Variants in OR51M1 observed in about 807,000 individuals in gnomAD.
The protein encoded by OR51M1 is olfactory receptor family 51 subfamily M member 1.
For missense variants in OR51M1, 509 were observed against 404.4 expected, an observed-to-expected ratio of 1.26 and a Z score of -2.22; for synonymous variants, 199 against 155.1, an observed-to-expected ratio of 1.28 and a Z score of -2.10.
chr11:5,389,386 C>G lies in OR51M1; in HGVS notation c.-13C>G, dbSNP rs376509486. ...CAGAAATATCCATTTATTTTCAGCT[C>G]AATCCCCGAGGAATGTCAGTCCAAT... On this transcript the variant is annotated splice_region_variant and 5_prime_UTR_variant, in exon 3 of 3. Coordinates refer to ENST00000642046, the MANE Select transcript of OR51M1 (RefSeq NM_001004756.3). 156 of 1,607,288 alleles carry G rather than the reference C, an allele frequency of 9.7e-5. No homozygotes were observed. The highest frequency in any genetic ancestry group is 1.3e-4 in the Non-Finnish European group (155 of 1,175,438).
chr11:5,387,584 T>C (rs1168592971), intron 2 of OR51M1, among the ~76,000 whole-genome samples: 1 of 152,226 alleles, frequency 6.6e-6, no homozygotes, highest in South Asian at 2.1e-4. Flanking sequence ...ATACATGACG[T>C]AGCATTTAGC....
intron 2 of OR51M1, among the ~76,000 whole-genome samples, chr11:5,385,814 A>T (rs1288342113): frequency 6.7e-6 from 1 of 149,084 alleles, no homozygotes; most frequent in South Asian, 2.1e-4. Context: ...AAAATCTATA[A>T]AGTATATAAA....
chr11:5,385,681 C>G (rs1652972521), intron 2 of OR51M1, among the ~76,000 whole-genome samples: 3 of 145,026 alleles, frequency 2.1e-5, no homozygotes, highest in African/African-American at 7.8e-5. Flanking sequence ...CGTATAAATA[C>G]TACCTATAAT....
intron 2 of OR51M1, among the ~76,000 whole-genome samples, chr11:5,387,503 G>A (rs1295653122): frequency 6.6e-6 from 1 of 152,144 alleles, no homozygotes; most frequent in Non-Finnish European, 1.5e-5. Flanking sequence ...TATCCATGCA[G>A]CACCTCTGCT....
intron 1 of OR51M1, among the ~76,000 whole-genome samples, chr11:5,384,811 G>C (rs1433607989): frequency 6.6e-6 from 1 of 152,144 alleles, no homozygotes; most frequent in Non-Finnish European, 1.5e-5. Flanking sequence ...CAGTATCCAG[G>C]ATATGGCCTT....
chr11:5,389,899 C>T lies in OR51M1; in HGVS notation c.501C>T (p.Ala167=). 4 of 1,612,344 alleles carry T rather than the reference C, an allele frequency of 2.5e-6. No homozygotes were observed. Among genetic ancestry groups the T allele is most frequent in the Non-Finnish European group, 3.4e-6 (4 of 1,179,892 alleles). ...TTGTCATCTTCCGGGGACCTGTGGC[C>T]ACTATCCCTATTGTCCTCCTCCTGA... ...GLIVIFRGPV[A]TIPIVLLLKA... is the part of the protein sequence containing the mutation. The change falls in exon 3 of 3, where the codon GCC becomes GCT. Residue 167 remains alanine, a synonymous_variant. Coordinates refer to ENST00000642046, the MANE Select transcript of OR51M1 (RefSeq NM_001004756.3).
rs1564796889 is a variant in OR51M1, at chr11:5,389,475, T to C, written c.77T>C (p.Leu26Pro). ...ACTCAGTTTAGCCCCATATTCTATCTCACCAGCTTTCCTGGATTGGAAGGC... is the reference window on the plus strand; with the variant it reads ...ACTCAGTTTAGCCCCATATTCTATCCCACCAGCTTTCCTGGATTGGAAGGC... ...NITQFSPIFY[L>P]TSFPGLEGIK... Residue 26 changes from leucine (L) to proline (P), a missense_variant, in exon 3 of 3, where the codon CTC becomes CCC. Transcript: ENST00000642046. 6.2e-7 allele frequency: 1 copy of C among 1,613,882 alleles called. No individual in the cohort carries two copies. The highest frequency in any genetic ancestry group is 8.5e-7 in the Non-Finnish European group (1 of 1,179,886).
Position 5,389,818 on chromosome 11 carries a change from C to T in OR51M1, c.420C>T (p.His140=), listed in dbSNP as rs375607959. 50 of 1,613,848 alleles carry T rather than the reference C, an allele frequency of 3.1e-5. No individual in the cohort carries two copies. The African/African-American group carries it at 5.7e-4, about 19-fold the overall frequency. The part of the protein sequence containing the change: ...MSFDRLVAIC[H]PLRYSVIITG... Reference sequence around the variant, plus strand: ...TTGACCGCCTTGTGGCCATCTGCCACCCTCTGAGGTATTCGGTCATTATCA... The same window carrying T: ...TTGACCGCCTTGTGGCCATCTGCCATCCTCTGAGGTATTCGGTCATTATCA... The change falls in exon 3 of 3, where the codon CAC becomes CAT. Residue 140 remains histidine, a synonymous_variant. Transcript: ENST00000642046.
chr11:5,392,089 A>T lies in OR51M1; in HGVS notation c.*1710A>T, dbSNP rs558393651. The T allele has an allele frequency of 6.6e-6, 1 of 152,256 alleles. No homozygotes were observed. Among genetic ancestry groups the T allele is most frequent in the South Asian group, 2.1e-4 (1 of 4,820 alleles). 9.4% of individuals were successfully genotyped at this position (152,256 alleles called of 1,614,324 possible). On this transcript the variant is annotated 3_prime_UTR_variant, in exon 3 of 3. Coordinates refer to ENST00000642046, the MANE Select transcript of OR51M1 (RefSeq NM_001004756.3). ...AATAAAAAGGAAAACAAACAAAATT[A>T]CAAAGCGAAATTTAAAAAAGAACCA... is the stretch of plus-strand genomic sequence containing the variant.
intron 2 of OR51M1, 34 bp from the exon 3 acceptor site, chr11:5,389,350 G>A: frequency 6.4e-7 from 1 of 1,563,522 alleles, no homozygotes; most frequent in East Asian, 2.2e-5. Flanking sequence ...TGAAGCTGAA[G>A]AATTAATAAC....
In OR51M1 at chr11:5,390,646, A is replaced by G. The variant is rs934581585; in HGVS notation, c.*267A>G. The G allele has an allele frequency of 1.0e-5, 4 of 393,596 alleles. No individual in the cohort carries two copies. Among genetic ancestry groups the G allele is most frequent in the Non-Finnish European group, 9.0e-6 (2 of 221,304 alleles). The allele number at this position is 393,596 out of a possible 1,614,324, so 24.4% of individuals were successfully genotyped here. ...GCAACTTTATTGAAGGTCATCATCA[A>G]TGTAACTAAAACTAAAATGAAACTA... is the stretch of plus-strand genomic sequence containing the variant. On this transcript the variant is annotated 3_prime_UTR_variant, in exon 3 of 3. Coordinates refer to ENST00000642046, the MANE Select transcript of OR51M1 (RefSeq NM_001004756.3).
chr11:5,385,669 TAC>T (rs1849677668), intron 2 of OR51M1, among the ~76,000 whole-genome samples: 1 of 148,032 alleles, frequency 6.8e-6, no homozygotes, highest in African/African-American at 2.5e-5. Context: ...TAATAAAGAA[TAC>T]GTATAAATAC....
chr11:5,390,306 T>C lies in OR51M1; in HGVS notation c.908T>C (p.Ile303Thr), dbSNP rs774206912. ...GTGCCTCCCATGCTTAACCCAATCA[T>C]ATACAGCATTAAGACCAAGGAGATC... ...LFVPPMLNPI[I>T]YSIKTKEIHR... is the part of the protein sequence containing the mutation. Residue 303 changes from isoleucine to threonine, a missense_variant, in exon 3 of 3, where the codon ATA becomes ACA. Ile to Thr is a moderately conservative substitution (Grantham distance 89, BLOSUM62 -1). Coordinates refer to ENST00000642046, the MANE Select transcript of OR51M1 (RefSeq NM_001004756.3). 2 of 1,613,756 alleles carry C rather than the reference T, an allele frequency of 1.2e-6. No individual in the cohort carries two copies. The highest frequency in any genetic ancestry group is 3.3e-5 in the Admixed American group (2 of 59,998).
chr11:5,390,492 A>G lies in OR51M1; in HGVS notation c.*113A>G. 1.1e-6 allele frequency: 1 copy of G among 897,162 alleles called. No individual in the cohort carries two copies. Among genetic ancestry groups the G allele is most frequent in the Non-Finnish European group, 1.6e-6 (1 of 618,076 alleles). 55.6% of individuals were successfully genotyped at this position (897,162 alleles called of 1,614,324 possible). A position where few individuals can be genotyped will look rare whatever the true frequency, so the allele number is the denominator to read the frequency against. On this transcript the variant is annotated 3_prime_UTR_variant, in exon 3 of 3. Transcript: ENST00000642046. ...TTAAAGATTTTTTGCCCCTGTCCTA[A>G]ATAAAATATGGGCAAATTTATGTCT... is the stretch of plus-strand genomic sequence containing the variant.
chr11:5,390,375 A>G lies in OR51M1; in HGVS notation c.977A>G (p.Lys326Arg). Residue 326 changes from lysine to arginine, a missense_variant, in exon 3 of 3, where the codon AAA (lysine) becomes AGA (arginine). Coordinates refer to ENST00000642046, the MANE Select transcript of OR51M1 (RefSeq NM_001004756.3). ...TTCCTAGGTCTTAAAAAGGCCAGTA[A>G]ATGAGTCCTGGGGCTAAAACTCCCC... ...IKFLGLKKASK is the reference protein window; with the variant it reads ...IKFLGLKKASR 1.3e-6 allele frequency: 2 copies of G among 1,590,962 alleles called. No homozygotes were observed. The highest frequency in any genetic ancestry group is 1.7e-6 in the Non-Finnish European group (2 of 1,167,030).
rs1361366579 is a variant in OR51M1 at position 5,390,036 on chromosome 11, T to C, written c.638T>C (p.Met213Thr). 3 of 1,613,642 alleles carry C rather than the reference T, an allele frequency of 1.9e-6. No homozygotes were observed. Among genetic ancestry groups the C allele is most frequent in the Non-Finnish European group, 1.7e-6 (2 of 1,179,866 alleles). Residue 213 changes from methionine to threonine, a missense_variant, in exon 3 of 3, where the codon ATG (methionine) becomes ACG (threonine). Physicochemically the swap from Met to Thr is moderately conservative, Grantham distance 81. Transcript: ENST00000642046. ...DITFNNLYGL[M>T]VVVFTVMLDL... ...ACCTTCAATAATCTGTATGGACTGA[T>C]GGTGGTAGTTTTCACTGTGATGCTG...
chr11:5,389,778 T>C lies in OR51M1; in HGVS notation c.380T>C (p.Leu127Pro), dbSNP rs377601269. ...TTTTCCTTCATGGAGTCCTCAGTGCTCCTCATGATGTCCTTTGACCGCCTT... is the reference window on the plus strand; with the variant it reads ...TTTTCCTTCATGGAGTCCTCAGTGCCCCTCATGATGTCCTTTGACCGCCTT... ...HSFSFMESSV[L>P]LMMSFDRLVA... Residue 127 changes from leucine to proline, a missense_variant, in exon 3 of 3, where the codon CTC becomes CCC. By Grantham distance (98) the Leu-to-Pro change is moderately conservative. Coordinates refer to ENST00000642046, the MANE Select transcript of OR51M1 (RefSeq NM_001004756.3). The C allele has an allele frequency of 6.2e-7, 1 of 1,613,998 alleles. No individual in the cohort carries two copies. The highest frequency in any genetic ancestry group is 1.7e-5 in the Admixed American group (1 of 60,016).
chr11:5,385,766 TAC>T (rs1458659210), intron 2 of OR51M1, among the ~76,000 whole-genome samples: 4 of 148,432 alleles, frequency 2.7e-5, no homozygotes, highest in Non-Finnish European at 4.4e-5. Context: ...TATATAAATA[TAC>T]AGACACATAT....
In OR51M1 at chr11:5,390,416, A is replaced by G. The variant is rs750565696; in HGVS notation, c.*37A>G. 1.3e-6 allele frequency: 2 copies of G among 1,507,148 alleles called. No individual in the cohort carries two copies. Among genetic ancestry groups the G allele is most frequent in the South Asian group, 1.3e-5 (1 of 76,680 alleles). 93.4% of individuals were successfully genotyped at this position (1,507,148 alleles called of 1,614,324 possible). On this transcript the variant is annotated 3_prime_UTR_variant, in exon 3 of 3. Coordinates refer to ENST00000642046, the MANE Select transcript of OR51M1 (RefSeq NM_001004756.3). ...AAAACTCCCCCTAGAGGCCTATAAG[A>G]AGGCCCCAAATTGGACTGAAAATTT...
Sources: gnomAD v4.1 joint callset for allele counts (sites outside exome capture counted in the v4.1 genomes callset) on GRCh38, gnomAD v4.1.1 for gene constraint, MANE v1.5 for transcripts, NCBI Gene and HGNC (gene_info 2026-07-23, HGNC 2026-07-21) for gene names.